The following NDUFB5 variants were observed in gnomAD, a reference collection of about 807,000 sequenced individuals.
NDUFB5 encodes NADH dehydrogenase [ubiquinone] 1 beta subcomplex subunit 5, mitochondrial.
Under a neutral mutation model 19.4 loss-of-function variants are expected in NDUFB5, and 19 were observed. The observed-to-expected ratio is 0.98, with a 90% CI of 0.68 to 1.43. NDUFB5 has a LOEUF of 1.43. Among genes scored for constraint, NDUFB5 ranks in the 40% most tolerant of loss-of-function variants. The pLI is 0.00. For missense variants in NDUFB5, 233 were observed against 236.5 expected (o/e 0.99, Z 0.10); for synonymous variants, 80 against 82.6 (o/e 0.97, Z 0.17).
chr3:179,610,838 T>C (rs1054225392), intron 1 of NDUFB5, among the ~76,000 whole-genome samples: 1 of 152,248 alleles, frequency 6.6e-6, no homozygotes, highest in Non-Finnish European at 1.5e-5. Flanking sequence ...AAGACTGATA[T>C]GCATAAATTA....
In NDUFB5 at chr3:179,624,832, T is replaced by C. The variant is rs576859144; in HGVS notation, c.*792T>C. On this transcript the variant is annotated 3_prime_UTR_variant, in exon 6 of 6. Coordinates refer to ENST00000259037, the MANE Select transcript of NDUFB5 (RefSeq NM_002492.4). ...TTTTTTTTTTGACGAAATCTTGCAC[T>C]GTCACCCAGGCTAGAGTGCAGTGCC... The C allele has an allele frequency of 6.9e-6, 1 of 144,116 alleles. No individual in the cohort carries two copies. Among genetic ancestry groups the C allele is most frequent in the African/African-American group, 2.6e-5 (1 of 37,780 alleles). 8.9% of individuals were successfully genotyped at this position (144,116 alleles called of 1,614,324 possible).
intron 3 of NDUFB5, 40 bp from the exon 4 acceptor site, chr3:179,616,943 C>A: frequency 1.4e-6 from 2 of 1,468,732 alleles, no homozygotes; most frequent in South Asian, 1.2e-5. Context: ...TTTATAAACT[C>A]CTCATGCTAA....
chr3:179,611,611 G>A (rs1719242854), intron 1 of NDUFB5, among the ~76,000 whole-genome samples: 2 of 151,976 alleles, frequency 1.3e-5, no homozygotes, highest in Admixed American at 6.6e-5. Flanking sequence ...TGTTGGCCAG[G>A]CTGGTCTCGA....
intron 4 of NDUFB5, 163 bp downstream of exon 4, chr3:179,617,207 A>G (rs376548178): frequency 5.0e-4 from 235 of 470,544 alleles, no homozygotes; most frequent in African/African-American, 3.8e-3. Context: ...GCGCGATTTC[A>G]GCTCACTGCA....
At chr3:179,619,196 G>GTTT (rs63194561) in intron 5 of NDUFB5, among the ~76,000 whole-genome samples, 2 of 123,818 alleles carry the variant, frequency 1.6e-5, no homozygotes, top group Admixed American at 1.7e-4. Flanking sequence ...CTGAGTGCCT[G>GTTT]TTTTTTTTTT....
intron 1 of NDUFB5, chr3:179,607,792 T>G: frequency 1.4e-6 from 1 of 702,956 alleles, no homozygotes. Flanking sequence ...TCTTTATGAT[T>G]TTGACTACTC....
chr3:179,615,545 T>A (rs924300803), intron 2 of NDUFB5: 1 of 457,682 alleles, frequency 2.2e-6, no homozygotes, highest in African/African-American at 2.0e-5. Context: ...TGACTATATT[T>A]CTGTCTCAAG....
In NDUFB5 at chr3:179,624,599, A is replaced by ACACACG. The variant is rs914044755; in HGVS notation, c.*561_*566dup. On this transcript the variant is annotated 3_prime_UTR_variant, in exon 6 of 6. Coordinates refer to ENST00000259037, the MANE Select transcript of NDUFB5 (RefSeq NM_002492.4). ...CACACACACACACACACACACACAC[A>ACACACG]CACACGCTCTTTTCCTAGATGCAAT... 6.7e-6 allele frequency: 1 copy of ACACACG among 148,322 alleles called. No individual in the cohort carries two copies. The highest frequency in any genetic ancestry group is 1.5e-5 in the Non-Finnish European group (1 of 67,386). 9.2% of individuals were successfully genotyped at this position (148,322 alleles called of 1,614,324 possible).
At chr3:179,607,147 C>T (rs562762328) in intron 1 of NDUFB5, among the ~76,000 whole-genome samples, 77 of 152,240 alleles carry the variant, frequency 5.1e-4, no homozygotes, top group African/African-American at 1.7e-3. Context: ...CCGTGTTCTG[C>T]GCCCTTTCCA....
At chr3:179,605,386 T>C (rs921035175) in intron 1 of NDUFB5, among the ~76,000 whole-genome samples, 4 of 152,176 alleles carry the variant, frequency 2.6e-5, no homozygotes, top group Admixed American at 2.6e-4. Flanking sequence ...ACTTATTCTT[T>C]AGGCACAGTA....
chr3:179,604,949 G>A lies in NDUFB5; in HGVS notation c.124+10G>A, dbSNP rs756501645. On this transcript the variant is annotated intron_variant, in intron 1 of 5. Coordinates refer to ENST00000259037, the MANE Select transcript of NDUFB5 (RefSeq NM_002492.4). ...TTTCCGAAGGCTGCTGGTGGGTGCT[G>A]GCCTAGGGAGAACGGGCGTGAAGCG... The A allele has an allele frequency of 1.6e-5, 25 of 1,557,148 alleles. No homozygotes were observed. Among genetic ancestry groups the A allele is most frequent in the Admixed American group, 4.4e-5 (2 of 45,002 alleles).
intron 5 of NDUFB5, among the ~76,000 whole-genome samples, 166 bp from the exon 6 acceptor site, chr3:179,623,754 T>G (rs1391626863): frequency 6.6e-6 from 1 of 152,192 alleles, no homozygotes; most frequent in African/African-American, 2.4e-5. Context: ...AAGTCCCAAA[T>G]TTTGGTTATA....
At chr3:179,615,707 G>GT in intron 2 of NDUFB5, 1 of 543,716 alleles carries the variant, frequency 1.8e-6, no homozygotes, top group Non-Finnish European at 3.4e-6. Context: ...CATCTCCTTG[G>GT]TTGAGCCCTT....
intron 4 of NDUFB5, 55 bp from the exon 5 acceptor site, chr3:179,618,359 GA>G: frequency 8.5e-7 from 1 of 1,179,500 alleles, no homozygotes; most frequent in Non-Finnish European, 1.2e-6. Context: ...TAGTCAACTA[GA>G]AAAGCAAAGT....
At chr3:179,606,638 T>G (rs1719110824) in intron 1 of NDUFB5, among the ~76,000 whole-genome samples, 2 of 152,188 alleles carry the variant, frequency 1.3e-5, no homozygotes, top group African/African-American at 2.4e-5. Flanking sequence ...CCACCTGACC[T>G]CAAGCATCAT....
rs1719623543 is a variant in NDUFB5 at position 179,624,574 on chromosome 3, C to CACACACACACACACACACACAG, written c.*555_*556insGACACACACACACACACACACA. On this transcript the variant is annotated 3_prime_UTR_variant, in exon 6 of 6. Coordinates refer to ENST00000259037, the MANE Select transcript of NDUFB5 (RefSeq NM_002492.4). ...CTACACACAGACACACAGACACGTA[C>CACACACACACACACACACACAG]ACACACACACACACACACACACACA... 8.5e-6 allele frequency: 1 copy of CACACACACACACACACACACAG among 117,622 alleles called. No individual in the cohort carries two copies. The highest frequency in any genetic ancestry group is 3.3e-5 in the African/African-American group (1 of 30,456). 7.3% of individuals were successfully genotyped at this position (117,622 alleles called of 1,614,324 possible).
chr3:179,617,796 C>T (rs1041709968), intron 4 of NDUFB5, among the ~76,000 whole-genome samples: 13 of 152,094 alleles, frequency 8.5e-5, no homozygotes, highest in African/African-American at 3.1e-4. Flanking sequence ...AGTTAAGTGA[C>T]CTGTCTAGAT....
intron 1 of NDUFB5, among the ~76,000 whole-genome samples, chr3:179,612,149 C>T (rs1337601293): frequency 6.6e-6 from 1 of 151,784 alleles, no homozygotes; most frequent in Non-Finnish European, 1.5e-5. Context: ...GCAGATGGCC[C>T]TACTACATCA....
chr3:179,609,451 G>A (rs1053165505), intron 1 of NDUFB5, among the ~76,000 whole-genome samples: 1 of 152,186 alleles, frequency 6.6e-6, no homozygotes, highest in East Asian at 1.9e-4. Context: ...TACTGAAGGG[G>A]CTATGAGCAG....
Sources: allele counts gnomAD v4.1 joint callset (sites outside exome capture counted in the v4.1 genomes callset), GRCh38; gene constraint gnomAD v4.1.1; transcripts MANE v1.5; gene names NCBI Gene and HGNC (gene_info 2026-07-23, HGNC 2026-07-21).